Variants in AGBL4 observed in about 807,000 individuals in gnomAD.
AGBL4 encodes the protein AGBL carboxypeptidase 4.
AGBL4 carries 58 observed loss-of-function variants against 66.4 expected under a neutral mutation model. The observed-to-expected ratio is 0.87, with a 90% CI of 0.71 to 1.09. The LOEUF (loss-of-function observed/expected upper bound fraction) is 1.09. Ranked by LOEUF, AGBL4 falls within the 50% of genes least tolerant of loss-of-function variation. The pLI, the probability that AGBL4 is intolerant of heterozygous loss-of-function variation, is 0.00. For synonymous variants in AGBL4, 234 were observed against 222.9 expected, an observed-to-expected ratio of 1.05 and a Z score of -0.44; for missense variants, 579 against 631.0, an observed-to-expected ratio of 0.92 and a Z score of 0.88.
chr1:49,074,611 T>C (rs1571384216), intron 4 of AGBL4, among the ~76,000 whole-genome samples: 3 of 152,170 alleles, frequency 2.0e-5, no homozygotes, highest in African/African-American at 7.2e-5. Flanking sequence ...TGGGACATAA[T>C]AATTATGAGC....
At chr1:48,560,568 A>G (rs1033448191) in intron 11 of AGBL4, among the ~76,000 whole-genome samples, 1 of 152,188 alleles carries the variant, frequency 6.6e-6, no homozygotes, top group Non-Finnish European at 1.5e-5. Context: ...ACTTGAATCA[A>G]AAAATCCCTG....
At position 49,909,325 on chromosome 1, in the gene AGBL4, G is replaced by A. The variant is rs560426983; in HGVS notation, c.35-57807C>T. On this transcript the variant is annotated intron_variant, in intron 1 of 13. Coordinates refer to ENST00000371839, the MANE Select transcript of AGBL4 (RefSeq NM_032785.4). ...AAGTATATTATATGTTTCTTTGCAA[G>A]TAAAGGAGATAGAGGGTTAGAAATG... Among the ~76,000 whole-genome samples the A allele has an allele frequency of 7.9e-5, 12 of 152,230 alleles. No individual in the cohort carries two copies. In the South Asian group the frequency reaches 2.1e-3, roughly 26 times the overall value.
chr1:49,089,376 A>G (rs1644962762), intron 4 of AGBL4, among the ~76,000 whole-genome samples: 1 of 151,894 alleles, frequency 6.6e-6, no homozygotes, highest in African/African-American at 2.4e-5. Flanking sequence ...AATAAAGAAA[A>G]AAGATATCCA....
At chr1:48,828,533 T>C (rs781124302) in intron 6 of AGBL4, among the ~76,000 whole-genome samples, 2 of 152,260 alleles carry the variant, frequency 1.3e-5, no homozygotes, top group Admixed American at 6.5e-5. Context: ...GTTCCCTGCA[T>C]TGAATCCTCT....
Position 49,505,854 on chromosome 1 carries a change from A to G in AGBL4, c.282+191459T>C, listed in dbSNP as rs544485813. On this transcript the variant is annotated intron_variant, in intron 3 of 13. Coordinates refer to ENST00000371839, the MANE Select transcript of AGBL4 (RefSeq NM_032785.4). ...TTTAGTCTCTCTCTTCTTAATTCCTATACCATGTACATTTGCTCTGTTGAA... is the reference window on the plus strand; with the variant it reads ...TTTAGTCTCTCTCTTCTTAATTCCTGTACCATGTACATTTGCTCTGTTGAA... 3.9e-5 allele frequency among the ~76,000 whole-genome samples: 6 copies of G among 152,092 alleles called. No individual in the cohort carries two copies. In the East Asian group the frequency reaches 5.8e-4, roughly 15 times the overall value.
intron 3 of AGBL4, among the ~76,000 whole-genome samples, chr1:49,658,740 C>G (rs2124481855): frequency 6.6e-6 from 1 of 152,074 alleles, no homozygotes; most frequent in South Asian, 2.1e-4. Flanking sequence ...TCATCATTCT[C>G]AGCAAACTAT....
intron 2 of AGBL4, among the ~76,000 whole-genome samples, chr1:49,735,298 T>TGTGTGG (rs1553254332): frequency 1.4e-5 from 1 of 69,976 alleles, no homozygotes; most frequent in Non-Finnish European, 3.2e-5. Flanking sequence ...GGTGTGTGGG[T>TGTGTGG]GTGTGTGTGT....
intron 6 of AGBL4, among the ~76,000 whole-genome samples, chr1:48,783,539 A>G (rs1289009900): frequency 2.0e-5 from 3 of 152,200 alleles, no homozygotes; most frequent in Admixed American, 2.0e-4. Context: ...GAATCAAACC[A>G]GTGGTTAAAA....
chr1:49,095,840 G>A (rs1645088149), intron 4 of AGBL4, among the ~76,000 whole-genome samples: 1 of 150,834 alleles, frequency 6.6e-6, no homozygotes, highest in Non-Finnish European at 1.5e-5. Context: ...TTGACAAATG[G>A]GATCTAATTA....
At chr1:49,199,610 G>C (rs1449098796) in intron 4 of AGBL4, among the ~76,000 whole-genome samples, 1 of 152,080 alleles carries the variant, frequency 6.6e-6, no homozygotes, top group African/African-American at 2.4e-5. Flanking sequence ...TTCTTATGTA[G>C]ACTACTAGTC....
intron 1 of AGBL4, among the ~76,000 whole-genome samples, chr1:49,868,164 A>G (rs1186173434): frequency 6.6e-6 from 1 of 152,238 alleles, no homozygotes; most frequent in Non-Finnish European, 1.5e-5. Context: ...CCTCATGGAT[A>G]GGAAGAATCA....
chr1:49,877,860 A>G (rs1647068857), intron 1 of AGBL4, among the ~76,000 whole-genome samples: 1 of 151,900 alleles, frequency 6.6e-6, no homozygotes, highest in Non-Finnish European at 1.5e-5. Context: ...CTATTCAGAG[A>G]TTCAACTTCT....
At chr1:48,607,943 A>G (rs1370718891) in intron 9 of AGBL4, among the ~76,000 whole-genome samples, 2 of 152,206 alleles carry the variant, frequency 1.3e-5, no homozygotes, top group African/African-American at 4.8e-5. Context: ...GCTGATTCTG[A>G]CATTGAAACT....
intron 3 of AGBL4, among the ~76,000 whole-genome samples, chr1:49,300,950 C>G (rs186189485): frequency 2.6e-5 from 4 of 152,134 alleles, no homozygotes; most frequent in Non-Finnish European, 4.4e-5. Flanking sequence ...CCTATACTTG[C>G]CTCTCTCATA....
At chr1:49,032,420 C>T (rs1421153256) in intron 5 of AGBL4, among the ~76,000 whole-genome samples, 1 of 152,122 alleles carries the variant, frequency 6.6e-6, no homozygotes, top group Non-Finnish European at 1.5e-5. Flanking sequence ...GTTGTATAGG[C>T]TGATGCCATA....
intron 4 of AGBL4, among the ~76,000 whole-genome samples, chr1:49,184,609 C>T (rs1345773629): frequency 6.6e-6 from 1 of 152,124 alleles, no homozygotes; most frequent in Non-Finnish European, 1.5e-5. Flanking sequence ...GATGTCTCTC[C>T]CTAGACAAAG....
intron 3 of AGBL4, among the ~76,000 whole-genome samples, chr1:49,467,189 G>A (rs1646648979): frequency 6.6e-6 from 1 of 151,714 alleles, no homozygotes; most frequent in Non-Finnish European, 1.5e-5. Flanking sequence ...TAGAAAGACA[G>A]TGTGAGCCAG....
At chr1:49,654,838 C>T (rs1487335129) in intron 3 of AGBL4, among the ~76,000 whole-genome samples, 1 of 152,150 alleles carries the variant, frequency 6.6e-6, no homozygotes, top group East Asian at 1.9e-4. Context: ...AGATCGGTTT[C>T]CTGAATACAG....
intron 6 of AGBL4, 85 bp downstream of exon 6, chr1:48,867,106 G>T: frequency 6.9e-7 from 1 of 1,456,928 alleles, no homozygotes. Context: ...CAAAAGAGAA[G>T]GGCAAGAATT....
Sources: gnomAD v4.1 joint callset for allele counts (sites outside exome capture counted in the v4.1 genomes callset) on GRCh38, gnomAD v4.1.1 for gene constraint, MANE v1.5 for transcripts, NCBI Gene and HGNC (gene_info 2026-07-23, HGNC 2026-07-21) for gene names.